CHORDC1: variants seen among roughly 807,000 people sequenced by gnomAD.
CHORDC1 encodes the protein cysteine and histidine-rich domain-containing protein 1.
Under a neutral mutation model 48.3 loss-of-function variants are expected in CHORDC1, and 25 were observed. The observed-to-expected ratio is 0.52, with a 90% CI of 0.38 to 0.72. CHORDC1 has a LOEUF of 0.72. Ranked by LOEUF, CHORDC1 falls within the 30% of genes least tolerant of loss-of-function variation. The probability of loss-of-function intolerance (pLI) is 0.00; values close to 1 mark genes in which losing one functional copy is unlikely to be tolerated. For missense variants in CHORDC1, 317 were observed against 388.7 expected (o/e 0.82, Z 1.55); for synonymous variants, 128 against 126.4 (o/e 1.01, Z -0.09).
At chr11:90,219,247 G>A (rs1202108776) in intron 1 of CHORDC1, among the ~76,000 whole-genome samples, 1 of 151,506 alleles carries the variant, frequency 6.6e-6, no homozygotes, top group Non-Finnish European at 1.5e-5. Context: ...CTAGGTGACA[G>A]AGCAAGACTC....
chr11:90,220,936 A>G (rs1858155009), intron 1 of CHORDC1, among the ~76,000 whole-genome samples: 1 of 152,168 alleles, frequency 6.6e-6, no homozygotes, highest in South Asian at 2.1e-4. Context: ...TAACATATGT[A>G]AGTTACCAAC....
chr11:90,222,711 G>A (rs1296635007), intron 1 of CHORDC1, 180 bp downstream of exon 1: 2 of 714,564 alleles, frequency 2.8e-6, no homozygotes, highest in Non-Finnish European at 2.6e-6. Flanking sequence ...CCAAGGGAAC[G>A]CGGCGCAACA....
intron 4 of CHORDC1, chr11:90,213,784 T>C: frequency 2.1e-6 from 1 of 470,358 alleles, no homozygotes; most frequent in Non-Finnish European, 3.7e-6. Context: ...TACATGTCCC[T>C]GTAATTATGA....
intron 5 of CHORDC1, 173 bp from the exon 6 acceptor site, chr11:90,210,767 C>G (rs1046639896): frequency 1.2e-5 from 7 of 577,220 alleles, no homozygotes; most frequent in South Asian, 1.1e-4. Flanking sequence ...CTTTTGAGGA[C>G]CTGGTGTCTT....
intron 3 of CHORDC1, among the ~76,000 whole-genome samples, chr11:90,214,429 CTCT>C (rs1857956737): frequency 6.6e-6 from 1 of 151,930 alleles, no homozygotes; most frequent in Non-Finnish European, 1.5e-5. Context: ...TGGCATAAAC[CTCT>C]TGTTTACAGA....
At chr11:90,206,896 C>A in intron 6 of CHORDC1, 1 of 493,782 alleles carries the variant, frequency 2.0e-6, no homozygotes, top group South Asian at 1.7e-5. Flanking sequence ...TATAGCACTA[C>A]CTACAAACAG....
chr11:90,217,952 T>C, intron 2 of CHORDC1, 183 bp downstream of exon 2: 1 of 418,032 alleles, frequency 2.4e-6, no homozygotes, highest in Non-Finnish European at 4.3e-6. Flanking sequence ...GAAAAGACCT[T>C]AAGATCATCA....
At chr11:90,207,522 A>G (rs1222469996) in intron 6 of CHORDC1, 1 of 152,146 alleles carries the variant, frequency 6.6e-6, no homozygotes, top group Non-Finnish European at 1.5e-5. Context: ...AAAGTTTATC[A>G]AAGTCGTCAT....
At chr11:90,218,097 C>G in intron 2 of CHORDC1, 38 bp downstream of exon 2, 1 of 1,394,250 alleles carries the variant, frequency 7.2e-7, no homozygotes, top group Non-Finnish European at 9.8e-7. Context: ...TCTCAATTTA[C>G]TACACAGATA....
intron 8 of CHORDC1, among the ~76,000 whole-genome samples, chr11:90,204,692 G>C (rs987180590): frequency 2.6e-5 from 4 of 151,862 alleles, no homozygotes; most frequent in East Asian, 3.9e-4. Context: ...CTGGGCGACA[G>C]AGCGAGACTC....
intron 3 of CHORDC1, among the ~76,000 whole-genome samples, chr11:90,214,640 T>A (rs1202843188): frequency 6.6e-6 from 1 of 151,952 alleles, no homozygotes; most frequent in Non-Finnish European, 1.5e-5. Flanking sequence ...TCTGAGAGAG[T>A]TAAATAATAA....
At chr11:90,222,682 C>A (rs1284023066) in intron 1 of CHORDC1, 10 of 697,748 alleles carry the variant, frequency 1.4e-5, no homozygotes, top group African/African-American at 1.8e-5. Flanking sequence ...GACAGTCAGG[C>A]GCCGGGGCCG....
Position 90,214,124 on chromosome 11 carries a change from G to A in CHORDC1, c.223C>T (p.Pro75Ser), listed in dbSNP as rs537359015. 2 of 1,613,256 alleles carry A rather than the reference G, an allele frequency of 1.2e-6. No homozygotes were observed. Among genetic ancestry groups the A allele is most frequent in the South Asian group, 2.2e-5 (2 of 91,022 alleles). ...TTCTTCTCAGTAGTCTTGACTTCAG[G>A]TTTGACTGGCTCAGGTGGCTTCTCA... ...NSEKPPEPVKPEVKTTEKKEL... is the reference protein window; with the variant it reads ...NSEKPPEPVKSEVKTTEKKEL... The change falls in exon 4 of 11, where the codon CCT becomes TCT. Residue 75 changes from proline to serine, a missense_variant. Pro to Ser is a moderately conservative substitution (Grantham distance 74, BLOSUM62 -1). Coordinates refer to ENST00000320585, the MANE Select transcript of CHORDC1 (RefSeq NM_012124.3).
At chr11:90,217,980 G>T in intron 2 of CHORDC1, 155 bp downstream of exon 2, 9 of 407,670 alleles carry the variant, frequency 2.2e-5, no homozygotes, top group East Asian at 4.2e-5. Flanking sequence ...TCTTTTCTTT[G>T]TCTTTAGTGG....
intron 4 of CHORDC1, 61 bp downstream of exon 4, chr11:90,213,957 G>GA: frequency 7.4e-7 from 1 of 1,356,062 alleles, no homozygotes; most frequent in Non-Finnish European, 1.0e-6. Flanking sequence ...ATAAAGGAAA[G>GA]TACCATGCAC....
At chr11:90,214,731 C>T (rs946930636) in intron 3 of CHORDC1, among the ~76,000 whole-genome samples, 1 of 152,044 alleles carries the variant, frequency 6.6e-6, no homozygotes, top group African/African-American at 2.4e-5. Flanking sequence ...ATTATACATA[C>T]TCTTTAACAC....
intron 3 of CHORDC1, among the ~76,000 whole-genome samples, chr11:90,214,788 TA>T (rs1404723178): frequency 6.6e-6 from 1 of 152,100 alleles, no homozygotes; most frequent in Non-Finnish European, 1.5e-5. Context: ...TTAGTAGCTT[TA>T]GTTTTCTTAG....
At chr11:90,213,333 CCAAA>C in intron 4 of CHORDC1, 1 of 548,858 alleles carries the variant, frequency 1.8e-6, no homozygotes, top group East Asian at 3.1e-5. Context: ...CTACTTGCAG[CCAAA>C]AAAAAAAAAA....
At chr11:90,222,245 T>C (rs970632493) in intron 1 of CHORDC1, among the ~76,000 whole-genome samples, 1 of 152,170 alleles carries the variant, frequency 6.6e-6, no homozygotes, top group Admixed American at 6.5e-5. Context: ...TAGTAAAACG[T>C]GGAGGCCACA....
Sources: gnomAD v4.1 joint callset for allele counts (sites outside exome capture counted in the v4.1 genomes callset) on GRCh38, gnomAD v4.1.1 for gene constraint, MANE v1.5 for transcripts, NCBI Gene and HGNC (gene_info 2026-07-23, HGNC 2026-07-21) for gene names.